UBTD1: variants seen among roughly 807,000 people sequenced by gnomAD.
The protein encoded by UBTD1 is ubiquitin domain containing 1.
A neutral mutation model predicts 21.7 loss-of-function variants in UBTD1; 19 were observed. The observed-to-expected ratio is 0.87, with a 90% CI of 0.61 to 1.28. The LOEUF (loss-of-function observed/expected upper bound fraction) is 1.28. Among genes scored for constraint, UBTD1 ranks in the 50% most tolerant of loss-of-function variants. UBTD1 has a pLI of 0.00. For missense variants in UBTD1, 282 were observed against 315.1 expected (o/e 0.89, Z 0.80); for synonymous variants, 116 against 135.1 (o/e 0.86, Z 0.98).
chr10:97,528,058 C>A (rs1264244518), intron 1 of UBTD1, among the ~76,000 whole-genome samples: 2 of 142,698 alleles, frequency 1.4e-5, no homozygotes, highest in Non-Finnish European at 3.1e-5. Context: ...CCGGACGGGG[C>A]GGCTGGCTGG....
chr10:97,498,927 T>C lies in UBTD1; in HGVS notation c.-277T>C, dbSNP rs1488354455. On this transcript the variant is annotated 5_prime_UTR_variant, in exon 1 of 3. Transcript: ENST00000370664. Reference sequence around the variant, plus strand: ...GCTGCGGCGGTGCCCGCCCCCTCTCTCCGCCCCTCCAGCGGAGCTGGTCTC... The same window carrying C: ...GCTGCGGCGGTGCCCGCCCCCTCTCCCCGCCCCTCCAGCGGAGCTGGTCTC... The C allele has an allele frequency of 4.9e-6, 2 of 409,016 alleles. No homozygotes were observed. Among genetic ancestry groups the C allele is most frequent in the Non-Finnish European group, 8.7e-6 (2 of 231,150 alleles). 25.3% of individuals were successfully genotyped at this position (409,016 alleles called of 1,614,324 possible).
chr10:97,502,848 CATATATACGT>C lies in UBTD1; in HGVS notation c.70+3592_70+3601del, dbSNP rs1261392887. On this transcript the variant is annotated intron_variant, in intron 1 of 2. Transcript: ENST00000370664. Reference sequence around the variant, plus strand: ...GTGTGTGTGTGCGTATGTGTGTATACATATATACGTATATATACGTATATATGTATATATA... The same window carrying C: ...GTGTGTGTGTGCGTATGTGTGTATACATATATACGTATATATGTATATATA... Among the ~76,000 whole-genome samples the C allele has an allele frequency of 1.0e-4, 15 of 146,932 alleles. No individual in the cohort carries two copies. In the East Asian group the frequency reaches 1.6e-3, roughly 15 times the overall value.
At chr10:97,503,165 C>A (rs1170889619) in intron 1 of UBTD1, among the ~76,000 whole-genome samples, 2 of 152,170 alleles carry the variant, frequency 1.3e-5, no homozygotes, top group Non-Finnish European at 2.9e-5. Context: ...ATCTTCTTAT[C>A]TTGGCTTCCG....
intron 1 of UBTD1, among the ~76,000 whole-genome samples, chr10:97,530,009 G>A (rs2040520869): frequency 6.6e-6 from 1 of 152,076 alleles, no homozygotes; most frequent in Admixed American, 6.5e-5. Context: ...CCGCAGAGGG[G>A]GTGAGACCAC....
rs1034195560 is a variant in UBTD1 at position 97,570,776 on chromosome 10, C to G, written c.*253C>G. On this transcript the variant is annotated 3_prime_UTR_variant, in exon 3 of 3. Transcript: ENST00000370664. This position sits in a 1 kb window ranked among gnomAD's most constrained non-coding sequence, Gnocchi z 6.6. ...CAGGGCCCTCACCCTGCCTGTCTCC[C>G]GAAGCAGGTTCGAGCCACAAGGGCC... The G allele has an allele frequency of 2.1e-6, 1 of 481,122 alleles. No homozygotes were observed. Among genetic ancestry groups the G allele is most frequent in the East Asian group, 3.2e-5 (1 of 31,078 alleles). 29.8% of individuals were successfully genotyped at this position (481,122 alleles called of 1,614,324 possible). A position where few individuals can be genotyped will look rare whatever the true frequency, so the allele number is the denominator to read the frequency against.
chr10:97,556,685 G>A (rs1177876701), intron 1 of UBTD1, among the ~76,000 whole-genome samples: 1 of 152,212 alleles, frequency 6.6e-6, no homozygotes, highest in African/African-American at 2.4e-5. Context: ...GTTTTTATGG[G>A]CAGTAAGAAG....
At chr10:97,547,757 G>GTTTGGC (rs2040618074) in intron 1 of UBTD1, among the ~76,000 whole-genome samples, 1 of 152,120 alleles carries the variant, frequency 6.6e-6, no homozygotes, top group South Asian at 2.1e-4. Context: ...TGGAGATGGG[G>GTTTGGC]TTTCACCATG....
At chr10:97,546,742 C>T (rs1398303908) in intron 1 of UBTD1, among the ~76,000 whole-genome samples, 4 of 152,106 alleles carry the variant, frequency 2.6e-5, no homozygotes, top group Non-Finnish European at 5.9e-5. Context: ...TTGCTCCTGC[C>T]GCGTGTTTTC....
chr10:97,499,995 G>A (rs2135647050), intron 1 of UBTD1, among the ~76,000 whole-genome samples: 1 of 152,318 alleles, frequency 6.6e-6, no homozygotes, highest in South Asian at 2.1e-4. Flanking sequence ...CCGGGAAGAG[G>A]TCTGTCGGTC....
chr10:97,513,379 G>A (rs1344150968), intron 1 of UBTD1, among the ~76,000 whole-genome samples: 2 of 152,220 alleles, frequency 1.3e-5, no homozygotes, highest in African/African-American at 4.8e-5. Flanking sequence ...TGAGACAAAG[G>A]CAACATGTAG....
chr10:97,530,159 G>T (rs1186054637), intron 1 of UBTD1, among the ~76,000 whole-genome samples: 1 of 152,158 alleles, frequency 6.6e-6, no homozygotes, highest in African/African-American at 2.4e-5. Flanking sequence ...GTGTTCCCCA[G>T]CACGGGGCCT....
intron 1 of UBTD1, among the ~76,000 whole-genome samples, chr10:97,561,238 G>T (rs73332724): frequency 0.015 from 2,220 of 152,220 alleles, 49 homozygotes; most frequent in African/African-American, 0.051. Context: ...TCCCCACAGG[G>T]ATGCTCCACA....
intron 2 of UBTD1, 102 bp downstream of exon 2, chr10:97,568,243 T>C: frequency 8.2e-7 from 1 of 1,222,618 alleles, no homozygotes; most frequent in Non-Finnish European, 1.2e-6. Context: ...AGGTGGTTAC[T>C]CACGTATTCA....
intron 1 of UBTD1, among the ~76,000 whole-genome samples, chr10:97,522,970 T>C (rs1385912683): frequency 6.6e-6 from 1 of 152,214 alleles, no homozygotes; most frequent in Non-Finnish European, 1.5e-5. Flanking sequence ...CCTTTTCCTC[T>C]TCTGTTGAGG....
At chr10:97,534,323 C>T (rs1443047781) in intron 1 of UBTD1, among the ~76,000 whole-genome samples, 1 of 152,216 alleles carries the variant, frequency 6.6e-6, no homozygotes, top group Non-Finnish European at 1.5e-5. Context: ...GGGGAGGGCC[C>T]AGCCCTGCCC....
chr10:97,505,209 G>T (rs2135653466), intron 1 of UBTD1, among the ~76,000 whole-genome samples: 1 of 152,256 alleles, frequency 6.6e-6, no homozygotes, highest in Middle Eastern at 3.4e-3. Context: ...AGCTGAAAAG[G>T]AACCTAAAGA....
At chr10:97,550,012 T>C (rs1182810779) in intron 1 of UBTD1, among the ~76,000 whole-genome samples, 1 of 152,168 alleles carries the variant, frequency 6.6e-6, no homozygotes, top group Non-Finnish European at 1.5e-5. Context: ...TCAGACTACC[T>C]GTGTTTCAGC....
intron 1 of UBTD1, among the ~76,000 whole-genome samples, chr10:97,549,518 A>G (rs916413780): frequency 9.2e-5 from 14 of 152,246 alleles, no homozygotes; most frequent in African/African-American, 3.4e-4. Flanking sequence ...CAGGCAGACA[A>G]ACAAGATCAT....
chr10:97,559,520 C>A (rs4919112), intron 1 of UBTD1, among the ~76,000 whole-genome samples: 144,763 of 152,284 alleles, frequency 0.95, 69,007 homozygotes, highest in East Asian at 0.99. Context: ...AAAGAAAACT[C>A]AACACCATTT....
Sources: allele counts gnomAD v4.1 joint callset (sites outside exome capture counted in the v4.1 genomes callset), GRCh38; gene constraint gnomAD v4.1.1; non-coding constraint Gnocchi (gnomAD v3.1); transcripts MANE v1.5; gene names NCBI Gene and HGNC (gene_info 2026-07-23, HGNC 2026-07-21).